Variants in CCDC192 observed in about 807,000 individuals in gnomAD.
CCDC192 encodes the protein coiled-coil domain-containing protein 192.
chr5:127,821,117 C>T (rs926715424), intron 5 of CCDC192, among the ~76,000 whole-genome samples: 2 of 152,110 alleles, frequency 1.3e-5, no homozygotes, highest in African/African-American at 4.8e-5. Context: ...TAGTGGTGTG[C>T]TGGTAAATGT....
At chr5:127,748,609 A>G (rs1753928420) in intron 2 of CCDC192, among the ~76,000 whole-genome samples, 1 of 146,994 alleles carries the variant, frequency 6.8e-6, no homozygotes, top group South Asian at 2.2e-4. Context: ...TTGGTTCCAT[A>G]TGAACTTTAA....
chr5:127,901,976 A>G (rs1452783841), intron 6 of CCDC192, among the ~76,000 whole-genome samples: 3 of 152,220 alleles, frequency 2.0e-5, no homozygotes, highest in Non-Finnish European at 4.4e-5. Flanking sequence ...TCTTTCTTCT[A>G]ATAATAACCA....
intron 2 of CCDC192, among the ~76,000 whole-genome samples, chr5:127,720,422 G>A (rs2126797823): frequency 6.6e-6 from 1 of 152,300 alleles, no homozygotes. Flanking sequence ...GGGTAGCTCT[G>A]CCCCTGTGGT....
chr5:127,843,029 G>GTTTTTT (rs11428874), intron 5 of CCDC192, among the ~76,000 whole-genome samples: 80 of 91,742 alleles, frequency 8.7e-4, no homozygotes, highest in Non-Finnish European at 9.5e-4. Context: ...TTTTAGTCAA[G>GTTTTTT]TTTTTTTTTT....
In CCDC192 at chr5:127,891,593, A is replaced by T. The variant is rs533838475; in HGVS notation, c.535+15932A>T. The stretch of plus-strand genomic sequence containing the variant: ...TGTACTTATTTGCCTCATCTCATGC[A>T]TGCATCATATACTTCTCTTTACTAG... On this transcript the variant is annotated intron_variant, in intron 6 of 6. Transcript: ENST00000514853. Among the ~76,000 whole-genome samples the T allele has an allele frequency of 1.2e-4, 18 of 152,326 alleles. 1 individual carries two copies. In the South Asian group the frequency reaches 3.3e-3, roughly 28 times the overall value.
At chr5:127,850,864 G>A (rs1750764746) in intron 5 of CCDC192, among the ~76,000 whole-genome samples, 3 of 152,202 alleles carry the variant, frequency 2.0e-5, no homozygotes, top group Admixed American at 2.0e-4. Flanking sequence ...CACTCCGGAG[G>A]CTGAGGCAGA....
chr5:127,715,679 G>A (rs572415077), intron 2 of CCDC192, among the ~76,000 whole-genome samples: 226 of 152,282 alleles, frequency 1.5e-3, no homozygotes, highest in African/African-American at 5.2e-3. Flanking sequence ...GGATAGTGAA[G>A]ACATTTTAAC....
intron 6 of CCDC192, among the ~76,000 whole-genome samples, chr5:127,880,142 C>T (rs1752286308): frequency 6.6e-6 from 1 of 151,172 alleles, no homozygotes; most frequent in Admixed American, 6.6e-5. Flanking sequence ...GCTATAAAGA[C>T]ACATGCACAC....
intron 3 of CCDC192, among the ~76,000 whole-genome samples, chr5:127,775,161 A>G (rs781718584): frequency 6.6e-6 from 1 of 152,116 alleles, no homozygotes; most frequent in Non-Finnish European, 1.5e-5. Context: ...GGGCTAGCCA[A>G]TTCCTAGAAA....
intron 6 of CCDC192, among the ~76,000 whole-genome samples, chr5:127,879,561 G>A: frequency 1.7e-5 from 1 of 57,690 alleles, no homozygotes; most frequent in Admixed American, 1.9e-4. Flanking sequence ...CAAAAGCAAT[G>A]GCAACAAAAG....
At chr5:127,893,034 C>T (rs1299571048) in intron 6 of CCDC192, among the ~76,000 whole-genome samples, 5 of 152,122 alleles carry the variant, frequency 3.3e-5, no homozygotes, top group East Asian at 1.9e-4. Flanking sequence ...AAGGGGGTTT[C>T]GCCTAAGAAT....
intron 5 of CCDC192, among the ~76,000 whole-genome samples, chr5:127,805,839 A>T (rs1757752911): frequency 6.6e-6 from 1 of 152,162 alleles, no homozygotes; most frequent in Admixed American, 6.6e-5. Context: ...TTAACCCTTT[A>T]TGTCATTACC....
At chr5:127,928,604 G>A (rs192419523) in intron 6 of CCDC192, among the ~76,000 whole-genome samples, 29 of 152,224 alleles carry the variant, frequency 1.9e-4, no homozygotes, top group African/African-American at 6.3e-4. Context: ...TCTTAGGGGC[G>A]TATTATTCTG....
At chr5:127,789,498 G>A (rs1756745332) in intron 3 of CCDC192, among the ~76,000 whole-genome samples, 1 of 152,246 alleles carries the variant, frequency 6.6e-6, no homozygotes, top group Non-Finnish European at 1.5e-5. Flanking sequence ...CTAGTGTTTT[G>A]CAGAAGATAG....
At chr5:127,935,393 A>C (rs1245655803) in intron 6 of CCDC192, 1 of 152,228 alleles carries the variant, frequency 6.6e-6, no homozygotes, top group Non-Finnish European at 1.5e-5. Context: ...TCTCTGTTCA[A>C]TGCATACTTT....
At chr5:127,871,186 G>T (rs1751845039) in intron 5 of CCDC192, among the ~76,000 whole-genome samples, 4 of 152,224 alleles carry the variant, frequency 2.6e-5, no homozygotes. Flanking sequence ...GCTCTGGCAG[G>T]AGATTGAATC....
At chr5:127,751,305 G>T (rs1450334215) in intron 2 of CCDC192, among the ~76,000 whole-genome samples, 2 of 152,060 alleles carry the variant, frequency 1.3e-5, no homozygotes, top group East Asian at 3.9e-4. Flanking sequence ...TTTAGGGCAG[G>T]CCTGGTGGTG....
rs546886547 is a variant in CCDC192, at chr5:127,766,333, G to A, written c.222+11958G>A. Among the ~76,000 whole-genome samples, 6 of 151,964 alleles carry A rather than the reference G, an allele frequency of 3.9e-5. No homozygotes were observed. The East Asian group carries it at 1.2e-3, about 29-fold the overall frequency. On this transcript the variant is annotated intron_variant, in intron 3 of 6. Coordinates refer to ENST00000514853, the MANE Select transcript of CCDC192 (RefSeq NM_001317938.2). ...TGATTACACAGAGTATAATATGCAG[G>A]CAAATATAGGAAAAAAAAGTTCTAG... is the stretch of plus-strand genomic sequence containing the variant.
chr5:127,783,866 G>A (rs998683987), intron 3 of CCDC192, among the ~76,000 whole-genome samples: 16 of 152,112 alleles, frequency 1.1e-4, no homozygotes, highest in Admixed American at 9.8e-4. Flanking sequence ...GTTGGACAAG[G>A]CCTTTTACCA....
Sources: allele counts gnomAD v4.1 joint callset (sites outside exome capture counted in the v4.1 genomes callset), GRCh38; gene constraint gnomAD v4.1.1; transcripts MANE v1.5; gene names NCBI Gene and HGNC (gene_info 2026-07-23, HGNC 2026-07-21).